Variants in MTMR10 observed in about 807,000 individuals in gnomAD.
MTMR10 encodes myotubularin related protein 10.
Under a neutral mutation model 88.1 loss-of-function variants are expected in MTMR10, and 56 were observed. The ratio of observed to expected loss-of-function variants is 0.64; its 90% CI spans 0.51 to 0.79. The LOEUF (loss-of-function observed/expected upper bound fraction) is 0.79. Among genes scored for constraint, MTMR10 ranks in the 30% least tolerant of loss-of-function variants. MTMR10 has a pLI of 0.00. For missense variants in MTMR10, 883 were observed against 924.7 expected (o/e 0.95, Z 0.58); for synonymous variants, 380 against 340.9 (o/e 1.11, Z -1.26).
intron 2 of MTMR10, among the ~76,000 whole-genome samples, chr15:30,981,507 C>T (rs1328007116): frequency 6.6e-6 from 1 of 152,204 alleles, no homozygotes; most frequent in African/African-American, 2.4e-5. Flanking sequence ...AAACATCGGA[C>T]AAATCCAAAC....
At chr15:30,919,026 A>G in the MTMR10 span, among the ~76,000 whole-genome samples, 1 of 152,222 alleles carries the variant, frequency 6.6e-6, no homozygotes, top group Admixed American at 6.5e-5. Context: ...GATATGTTAT[A>G]TGCATTATAT....
rs567681954 is a variant in MTMR10 at position 30,941,441 on chromosome 15, C to T, written c.*29G>A. ...TTCAGAGGAAAAAAGTTGACAGCTT[C>T]CCTCAAAATGTTCAGAAAACACCCT... On this transcript the variant is annotated 3_prime_UTR_variant, in exon 16 of 16. Transcript: ENST00000435680. 2 of 1,575,066 alleles carry T rather than the reference C, an allele frequency of 1.3e-6. No homozygotes were observed. The highest frequency in any genetic ancestry group is 2.2e-5 in the East Asian group (1 of 44,550).
At chr15:30,967,801 G>A in intron 6 of MTMR10, 119 bp downstream of exon 6, 1 of 768,798 alleles carries the variant, frequency 1.3e-6, no homozygotes. Flanking sequence ...CTTCTCTAAG[G>A]TATGAAGCTA....
At chr15:30,938,646 C>T (rs1041410412), downstream of MTMR10, among the ~76,000 whole-genome samples, 3 of 152,060 alleles carry the variant, frequency 2.0e-5, no homozygotes, top group Non-Finnish European at 2.9e-5. Context: ...GGGACTGGAA[C>T]CCCAGTCTGT....
At chr15:30,962,836 C>T (rs1247375288) in intron 6 of MTMR10, among the ~76,000 whole-genome samples, 5 of 152,242 alleles carry the variant, frequency 3.3e-5, no homozygotes, top group East Asian at 3.9e-4. Flanking sequence ...AGAGAGAGGC[C>T]GGGGCAGGAA....
At chr15:30,942,137 G>A in intron 15 of MTMR10, 65 bp from the exon 16 acceptor site, 1 of 1,511,554 alleles carries the variant, frequency 6.6e-7, no homozygotes. Flanking sequence ...AGGATGCAAT[G>A]GCAAATATAA....
chr15:30,929,655 A>ATGAAATATATAATATATCATATAAT, the MTMR10 span, among the ~76,000 whole-genome samples: 20 of 62,544 alleles, frequency 3.2e-4, no homozygotes, highest in African/African-American at 1.0e-3. Context: ...TATATAATAT[A>ATGAAATATATAATATATCATATAAT]ATATATGAAA....
chr15:30,947,435 G>C (rs1446218742), intron 13 of MTMR10, 135 bp from the exon 14 acceptor site: 2 of 1,020,286 alleles, frequency 2.0e-6, no homozygotes, highest in African/African-American at 1.6e-5. Context: ...TGCCTTCTAA[G>C]CTGAGCTATA....
chr15:30,981,047 T>C (rs1270241339), intron 2 of MTMR10, among the ~76,000 whole-genome samples: 1 of 152,246 alleles, frequency 6.6e-6, no homozygotes, highest in African/African-American at 2.4e-5. Context: ...GAAACTATCA[T>C]GGACTCAATG....
chr15:30,990,950 C>T, intron 1 of MTMR10, 113 bp from the exon 2 acceptor site: 2 of 833,202 alleles, frequency 2.4e-6, no homozygotes, highest in South Asian at 1.7e-5. Context: ...CACAGCCCCC[C>T]ATTTAAATTC....
intron 5 of MTMR10, among the ~76,000 whole-genome samples, chr15:30,969,059 CAGTG>C (rs1160383438): frequency 6.6e-6 from 1 of 152,106 alleles, no homozygotes; most frequent in Non-Finnish European, 1.5e-5. Context: ...ATACTTTTGA[CAGTG>C]AGTAAGAAAA....
At chr15:30,959,186 A>G in intron 7 of MTMR10, 65 bp from the exon 8 acceptor site, 1 of 1,371,106 alleles carries the variant, frequency 7.3e-7, no homozygotes, top group East Asian at 2.5e-5. Flanking sequence ...GCTCCTGCAG[A>G]CCCTATAAAT....
At position 30,948,323 on chromosome 15, in the gene MTMR10, A is replaced by G. The variant is rs1171227996; in HGVS notation, c.1356T>C (p.His452=). 1 of 1,613,596 alleles carries G rather than the reference A, an allele frequency of 6.2e-7. No individual in the cohort carries two copies. The highest frequency in any genetic ancestry group is 8.5e-7 in the Non-Finnish European group (1 of 1,179,792). ...AGYQFLDRCN[H]LKRSEKESPL... Reference sequence around the variant, plus strand: ...TTACCTCTTTCTCTGATCTCTTTAGATGGTTGCATCTGTCTAGAAACTGAT... The same window carrying G: ...TTACCTCTTTCTCTGATCTCTTTAGGTGGTTGCATCTGTCTAGAAACTGAT... The change falls in exon 13 of 16, where the codon CAT becomes CAC. Residue 452 remains histidine, a synonymous_variant. Coordinates refer to ENST00000435680, the MANE Select transcript of MTMR10 (RefSeq NM_017762.3).
chr15:30,976,305 G>A (rs942139546), intron 3 of MTMR10, among the ~76,000 whole-genome samples: 2 of 152,008 alleles, frequency 1.3e-5, no homozygotes, highest in African/African-American at 4.8e-5. Flanking sequence ...AGGAGGCTGA[G>A]GTGGCAGGAT....
the MTMR10 span, among the ~76,000 whole-genome samples, chr15:30,932,298 A>T: frequency 1.4e-4 from 22 of 151,920 alleles, no homozygotes; most frequent in Middle Eastern, 3.2e-3. Context: ...TCTGAGAGGA[A>T]TTGGTATCTT....
intron 2 of MTMR10, among the ~76,000 whole-genome samples, chr15:30,986,896 G>T (rs761639497): frequency 6.6e-6 from 1 of 152,158 alleles, no homozygotes; most frequent in Non-Finnish European, 1.5e-5. Context: ...TCACCGAACC[G>T]ATCCACCAGT....
intron 2 of MTMR10, among the ~76,000 whole-genome samples, chr15:30,987,880 A>ACCCCCCCCC (rs2031049958): frequency 1.4e-5 from 2 of 139,028 alleles, no homozygotes; most frequent in African/African-American, 5.4e-5. Flanking sequence ...CACCCCCAAC[A>ACCCCCCCCC]CCCCCGACAG....
chr15:30,955,033 TA>T, intron 9 of MTMR10, 140 bp from the exon 10 acceptor site: 1 of 646,008 alleles, frequency 1.5e-6, no homozygotes, highest in East Asian at 3.4e-5. Flanking sequence ...TTTTTTTTTT[TA>T]AGACAGAACC....
the MTMR10 span, among the ~76,000 whole-genome samples, chr15:30,920,255 C>T: frequency 6.6e-6 from 1 of 152,150 alleles, no homozygotes; most frequent in African/African-American, 2.4e-5. Context: ...TCTTAGTTTG[C>T]AGGACATAGA....
Sources: allele counts gnomAD v4.1 joint callset (sites outside exome capture counted in the v4.1 genomes callset), GRCh38; gene constraint gnomAD v4.1.1; transcripts MANE v1.5; gene names NCBI Gene and HGNC (gene_info 2026-07-23, HGNC 2026-07-21).